PIK3R3: variants seen among roughly 807,000 people sequenced by gnomAD.
The protein encoded by PIK3R3 is phosphatidylinositol 3-kinase regulatory subunit gamma.
Under a neutral mutation model 62.9 loss-of-function variants are expected in PIK3R3, and 64 were observed. The ratio of observed to expected loss-of-function variants is 1.02; its 90% CI spans 0.83 to 1.25. The LOEUF (loss-of-function observed/expected upper bound fraction) is 1.25, where lower values mean the gene tolerates loss of function less well. Ranked by LOEUF, PIK3R3 falls within the 50% of genes most tolerant of loss-of-function variation. The probability of loss-of-function intolerance (pLI) is 0.00; values close to 1 mark genes in which losing one functional copy is unlikely to be tolerated. For synonymous variants in PIK3R3, 165 were observed against 189.0 expected (o/e 0.87, Z 1.04); for missense variants, 614 against 561.6 (o/e 1.09, Z -0.94).
At chr1:46,174,275 G>C in the PIK3R3 span, among the ~76,000 whole-genome samples, 15 of 152,062 alleles carry the variant, frequency 9.9e-5, no homozygotes, top group African/African-American at 3.6e-4. Flanking sequence ...GGGCCCTTGA[G>C]CATGGCCCAA....
chr1:46,143,362 T>G, the PIK3R3 span, among the ~76,000 whole-genome samples: 2 of 152,338 alleles, frequency 1.3e-5, no homozygotes, highest in East Asian at 3.9e-4. Flanking sequence ...TACATATTTA[T>G]GGGTTACATG....
At chr1:46,064,189 G>A (rs1162271361) in intron 5 of PIK3R3, among the ~76,000 whole-genome samples, 1 of 151,690 alleles carries the variant, frequency 6.6e-6, no homozygotes, top group Non-Finnish European at 1.5e-5. Flanking sequence ...CTCCAGCCTG[G>A]GCAATAGAGT....
the PIK3R3 span, among the ~76,000 whole-genome samples, chr1:46,174,182 T>C: frequency 2.6e-5 from 4 of 152,212 alleles, no homozygotes; most frequent in Non-Finnish European, 5.9e-5. Flanking sequence ...TGTTGCAGTA[T>C]GTGTCTATGA....
In PIK3R3 at chr1:46,043,462, T is replaced by G. The variant is rs1175752391; in HGVS notation, c.*211A>C. The G allele has an allele frequency of 3.5e-6, 2 of 567,312 alleles. No homozygotes were observed. Among genetic ancestry groups the G allele is most frequent in the Non-Finnish European group, 6.3e-6 (2 of 316,142 alleles). The allele number at this position is 567,312 out of a possible 1,614,324, so 35.1% of individuals were successfully genotyped here. On this transcript the variant is annotated 3_prime_UTR_variant, in exon 10 of 10. Transcript: ENST00000262741. ...AAAAACATCTGCTTCCAGCTTAGTA[T>G]GTCAGTGCAGCGGCATGGCTGAGTC... is the stretch of plus-strand genomic sequence containing the variant.
At chr1:46,057,474 CAGA>C (rs1648040075) in intron 6 of PIK3R3, 1 of 152,518 alleles carries the variant, frequency 6.6e-6, no homozygotes, top group African/African-American at 2.4e-5. Flanking sequence ...TTGGAGGGCT[CAGA>C]AGAAGACAGG....
At chr1:46,089,830 G>A (rs1018186943) in intron 1 of PIK3R3, among the ~76,000 whole-genome samples, 1 of 151,956 alleles carries the variant, frequency 6.6e-6, no homozygotes, top group African/African-American at 2.4e-5. Context: ...TTATAATTGT[G>A]ATATAAATAC....
chr1:46,051,079 G>T (rs1394726817), intron 7 of PIK3R3, among the ~76,000 whole-genome samples: 4 of 152,128 alleles, frequency 2.6e-5, no homozygotes, highest in African/African-American at 9.7e-5. Flanking sequence ...AAACAGTGCA[G>T]GGTTTTTTTT....
At chr1:46,151,234 G>A in the PIK3R3 span, among the ~76,000 whole-genome samples, 219 of 152,170 alleles carry the variant, frequency 1.4e-3, no homozygotes, top group Middle Eastern at 3.4e-3. Flanking sequence ...AGTCCTATAG[G>A]AAACTCAAGC....
chr1:46,126,553 C>A (rs1173194061), intron 1 of PIK3R3, among the ~76,000 whole-genome samples: 20 of 148,556 alleles, frequency 1.3e-4, no homozygotes, highest in Admixed American at 4.0e-4. Flanking sequence ...AAAAAAAAAA[C>A]CAAATAAGTC....
chr1:46,079,702 C>T (rs1430157595), intron 2 of PIK3R3, among the ~76,000 whole-genome samples: 1 of 152,050 alleles, frequency 6.6e-6, no homozygotes, highest in Admixed American at 6.5e-5. Context: ...ACCTGTAATC[C>T]CAGCACTTTG....
chr1:46,045,069 G>GACATTT (rs1385774360), intron 9 of PIK3R3, among the ~76,000 whole-genome samples: 2 of 152,196 alleles, frequency 1.3e-5, no homozygotes, highest in African/African-American at 4.8e-5. Flanking sequence ...ATTAGTAGGT[G>GACATTT]ACATTTACTT....
At chr1:46,132,656 T>C, upstream of PIK3R3, 3 of 1,289,722 alleles carry the variant, frequency 2.3e-6, no homozygotes, top group Non-Finnish European at 3.0e-6. Context: ...AGTTTCATTT[T>C]AACGGCGCGG....
At chr1:46,093,662 G>A (rs1381888268) in intron 1 of PIK3R3, among the ~76,000 whole-genome samples, 1 of 151,958 alleles carries the variant, frequency 6.6e-6, no homozygotes, top group Admixed American at 6.6e-5. Context: ...GGCCTACGCG[G>A]GCAGATCACT....
chr1:46,133,275 C>A (rs555404368), upstream of PIK3R3, among the ~76,000 whole-genome samples: 2 of 152,222 alleles, frequency 1.3e-5, no homozygotes, highest in Non-Finnish European at 2.9e-5. Context: ...GCTGGGCGAG[C>A]GCTCGGGGGC....
rs1041828374 is a variant in PIK3R3 at position 46,067,010 on chromosome 1, G to A, written c.396C>T (p.Ser132=). 14 of 1,604,414 alleles carry A rather than the reference G, an allele frequency of 8.7e-6. No homozygotes were observed. In the African/African-American group the frequency reaches 1.5e-4, roughly 17 times the overall value. Residue 132 remains serine (S), a synonymous_variant, in exon 4 of 10, where the codon TCC becomes TCT. Transcript: ENST00000262741. ...YGFSDPLTFN[S]VVELINHYHH... ...GATAGTGGTTAATGAGCTCCACCACGGAATTAAATGTCAGAGGATCAGAAA... is the reference window on the plus strand; with the variant it reads ...GATAGTGGTTAATGAGCTCCACCACAGAATTAAATGTCAGAGGATCAGAAA...
chr1:46,042,532 A>G lies in PIK3R3; in HGVS notation c.*1141T>C, dbSNP rs752998553. On this transcript the variant is annotated 3_prime_UTR_variant, in exon 10 of 10. Transcript: ENST00000262741. The surrounding 1 kb of genome is among the most constrained non-coding windows in gnomAD (Gnocchi z 4.3). The stretch of plus-strand genomic sequence containing the variant: ...TGACCACAATCTGACTCCCCTCCTT[A>G]GCAACCTATAGCTCCCAAAACCCCA... 5.5e-5 allele frequency: 12 copies of G among 216,666 alleles called. No homozygotes were observed. Among genetic ancestry groups the G allele is most frequent in the South Asian group, 1.9e-4 (1 of 5,386 alleles). 13.4% of individuals were successfully genotyped at this position (216,666 alleles called of 1,614,324 possible).
chr1:46,127,125 A>G (rs1026478228), intron 1 of PIK3R3, among the ~76,000 whole-genome samples: 5 of 152,114 alleles, frequency 3.3e-5, no homozygotes, highest in Admixed American at 2.6e-4. Context: ...ACTTGAGCCC[A>G]GGAGTTCAAG....
At chr1:46,150,183 C>T in the PIK3R3 span, among the ~76,000 whole-genome samples, 1 of 152,150 alleles carries the variant, frequency 6.6e-6, no homozygotes, top group Admixed American at 6.5e-5. Flanking sequence ...AGACAAAATC[C>T]CCCGTCTATG....
intron 4 of PIK3R3, 121 bp from the exon 5 acceptor site, chr1:46,066,300 A>G (rs1283719629): frequency 5.9e-6 from 4 of 677,208 alleles, no homozygotes; most frequent in Non-Finnish European, 9.9e-6. Flanking sequence ...CTATATTTCA[A>G]CTGTACAACT....
Sources: gnomAD v4.1 joint callset for allele counts (sites outside exome capture counted in the v4.1 genomes callset) on GRCh38, gnomAD v4.1.1 for gene constraint, Gnocchi (gnomAD v3.1) non-coding constraint, MANE v1.5 for transcripts, NCBI Gene and HGNC (gene_info 2026-07-23, HGNC 2026-07-21) for gene names.